The following SLC15A2 variants were observed in gnomAD, a reference collection of about 807,000 sequenced individuals.
SLC15A2 encodes the protein kidney H(+)/peptide cotransporter.
Under a neutral mutation model 95.5 loss-of-function variants are expected in SLC15A2, and 77 were observed. The observed-to-expected ratio is 0.81, with a 90% CI of 0.67 to 0.97. SLC15A2 has a LOEUF of 0.97. Among genes scored for constraint, SLC15A2 ranks in the 50% least tolerant of loss-of-function variants. SLC15A2 has a pLI of 0.00. For synonymous variants in SLC15A2, 306 were observed against 306.9 expected (o/e 1.00, Z 0.03); for missense variants, 893 against 874.4 (o/e 1.02, Z -0.27).
At chr3:121,903,102 C>G (rs1709550862) in intron 3 of SLC15A2, among the ~76,000 whole-genome samples, 1 of 152,154 alleles carries the variant, frequency 6.6e-6, no homozygotes, top group Non-Finnish European at 1.5e-5. Flanking sequence ...CTTTGATGGC[C>G]AGTGATGATG....
At chr3:121,934,907 A>T (rs1295011595) in intron 19 of SLC15A2, among the ~76,000 whole-genome samples, 2 of 152,058 alleles carry the variant, frequency 1.3e-5, no homozygotes, top group African/African-American at 4.8e-5. Flanking sequence ...GGTTTGTCAT[A>T]GATAGCTCTT....
intron 1 of SLC15A2, among the ~76,000 whole-genome samples, chr3:121,895,665 T>C (rs1368225061): frequency 6.6e-6 from 1 of 152,224 alleles, no homozygotes; most frequent in Non-Finnish European, 1.5e-5. Context: ...TGGTCTATTG[T>C]AATAGATAGG....
At chr3:121,937,412 T>C (rs1710369210) in intron 19 of SLC15A2, among the ~76,000 whole-genome samples, 1 of 124,044 alleles carries the variant, frequency 8.1e-6, no homozygotes, top group African/African-American at 3.1e-5. Context: ...CAATCAGACG[T>C]AGATTTGGTC....
chr3:121,935,248 G>A (rs1336710212), intron 19 of SLC15A2, among the ~76,000 whole-genome samples: 4 of 152,068 alleles, frequency 2.6e-5, no homozygotes, highest in South Asian at 2.1e-4. Flanking sequence ...GTCTCTGCCC[G>A]GCTTTGGTAT....
chr3:121,896,700 G>A (rs1172587137), intron 2 of SLC15A2, among the ~76,000 whole-genome samples: 1 of 151,998 alleles, frequency 6.6e-6, no homozygotes, highest in Non-Finnish European at 1.5e-5. Flanking sequence ...AAAGGCCTGA[G>A]ACAAACCAGA....
intron 7 of SLC15A2, among the ~76,000 whole-genome samples, chr3:121,919,768 A>G (rs1231592212): frequency 6.6e-6 from 1 of 152,218 alleles, no homozygotes; most frequent in African/African-American, 2.4e-5. Flanking sequence ...TTATAGTTGG[A>G]AGGTGACATG....
At position 121,940,924 on chromosome 3, in the gene SLC15A2, G is replaced by T. The variant is rs573497842; in HGVS notation, c.2107G>T (p.Asp703Tyr). ...GYYYVPVKTEDMRGPADKHIP... is the reference protein window; with the variant it reads ...GYYYVPVKTEYMRGPADKHIP... ...CTACTATGTTCCTGTAAAGACAGAGGATATGCGGGGTCCAGCAGATAAGCA... is the reference window on the plus strand; with the variant it reads ...CTACTATGTTCCTGTAAAGACAGAGTATATGCGGGGTCCAGCAGATAAGCA... Residue 703 changes from aspartate to tyrosine, a missense_variant, in exon 22 of 22, where the codon GAT (aspartate) becomes TAT (tyrosine). By Grantham distance (160) the Asp-to-Tyr change is radical (BLOSUM62 -3). Coordinates refer to ENST00000489711, the MANE Select transcript of SLC15A2 (RefSeq NM_021082.4). 22 of 1,614,134 alleles carry T rather than the reference G, an allele frequency of 1.4e-5. No individual in the cohort carries two copies. The South Asian group carries it at 2.0e-4, about 14-fold the overall frequency.
intron 3 of SLC15A2, among the ~76,000 whole-genome samples, chr3:121,898,767 A>T (rs1363780126): frequency 6.6e-6 from 1 of 152,168 alleles, no homozygotes; most frequent in African/African-American, 2.4e-5. Flanking sequence ...TTGACTATGG[A>T]ATATTTTTTC....
At chr3:121,933,928 T>A (rs1433899128) in intron 19 of SLC15A2, among the ~76,000 whole-genome samples, 1 of 151,060 alleles carries the variant, frequency 6.6e-6, no homozygotes, top group African/African-American at 2.4e-5. Flanking sequence ...CCATCTTGAA[T>A]TGATTTTTGT....
chr3:121,900,249 G>C (rs1180085799), intron 3 of SLC15A2, among the ~76,000 whole-genome samples: 1 of 152,056 alleles, frequency 6.6e-6, no homozygotes, highest in Non-Finnish European at 1.5e-5. Flanking sequence ...CCTTCAATCA[G>C]TTATCAAATT....
chr3:121,923,375 G>C, intron 11 of SLC15A2, 109 bp downstream of exon 11: 1 of 1,122,480 alleles, frequency 8.9e-7, no homozygotes, highest in South Asian at 1.4e-5. Flanking sequence ...GATCTTCAGA[G>C]AAGTGCTTTT....
chr3:121,903,738 G>A lies in SLC15A2; in HGVS notation c.335+6209G>A, dbSNP rs1275135036. On this transcript the variant is annotated intron_variant, in intron 3 of 21. Transcript: ENST00000489711. The stretch of plus-strand genomic sequence containing the variant: ...TGTGTTTTGGTACCAGTACCATGCT[G>A]TTTTGGTTACTGTCGCCTTGTAGTA... 3.9e-5 allele frequency among the ~76,000 whole-genome samples: 6 copies of A among 152,206 alleles called. No homozygotes were observed. In the South Asian group the frequency reaches 8.3e-4, roughly 21 times the overall value.
rs762891735 is a variant in SLC15A2, at chr3:121,922,763, T to C, written c.781-12T>C. 18 of 1,607,864 alleles carry C rather than the reference T, an allele frequency of 1.1e-5. No individual in the cohort carries two copies. The South Asian group carries it at 1.4e-4, about 13-fold the overall frequency. On this transcript the variant is annotated splice_polypyrimidine_tract_variant and intron_variant, in intron 8 of 21. Transcript: ENST00000489711. ...TCTTTGTCTCTCCCATGATGTCTAC[T>C]CTCTGCCCTAGTTTGCTATTTCCAA...
intron 3 of SLC15A2, among the ~76,000 whole-genome samples, chr3:121,902,953 G>A (rs1429547371): frequency 1.3e-5 from 2 of 152,194 alleles, no homozygotes; most frequent in African/African-American, 4.8e-5. Context: ...GGTTGAACAA[G>A]TTTACAGTCC....
rs1198214471 is a variant in SLC15A2, at chr3:121,940,997, C to G, written c.2180C>G (p.Thr727Arg). ...ATGATCAAACTAGAGACCAAGAAGACAAAACTCTGATGACTCCCTAGATTC... is the reference window on the plus strand; with the variant it reads ...ATGATCAAACTAGAGACCAAGAAGAGAAAACTCTGATGACTCCCTAGATTC... ...GNMIKLETKK[T>R]KL Residue 727 changes from threonine (T) to arginine (R), a missense_variant, in exon 22 of 22, where the codon ACA becomes AGA. Coordinates refer to ENST00000489711, the MANE Select transcript of SLC15A2 (RefSeq NM_021082.4). 4.3e-6 allele frequency: 7 copies of G among 1,613,022 alleles called. No individual in the cohort carries two copies. Among genetic ancestry groups the G allele is most frequent in the Non-Finnish European group, 5.9e-6 (7 of 1,179,556 alleles).
At chr3:121,896,383 A>G (rs1709412601) in intron 1 of SLC15A2, 23 bp from the exon 2 acceptor site, 1 of 1,577,992 alleles carries the variant, frequency 6.3e-7, no homozygotes, top group Non-Finnish European at 8.7e-7. Context: ...TCATGCTTGA[A>G]TCATTGCCTT....
intron 3 of SLC15A2, among the ~76,000 whole-genome samples, chr3:121,910,474 C>T (rs1051219109): frequency 5.3e-5 from 8 of 151,994 alleles, no homozygotes; most frequent in African/African-American, 1.7e-4. Context: ...GGATTACAAG[C>T]GTGAGCCACC....
intron 3 of SLC15A2, among the ~76,000 whole-genome samples, chr3:121,898,289 T>C: frequency 6.6e-6 from 1 of 152,230 alleles, no homozygotes; most frequent in East Asian, 1.9e-4. Context: ...TTCAGCTCTT[T>C]TACCATCTAT....
intron 7 of SLC15A2, among the ~76,000 whole-genome samples, chr3:121,918,739 G>A (rs1245954039): frequency 6.6e-6 from 1 of 152,200 alleles, no homozygotes; most frequent in Non-Finnish European, 1.5e-5. Flanking sequence ...AGTGATAAAT[G>A]TTCCTGAGTG....
Sources: allele counts gnomAD v4.1 joint callset (sites outside exome capture counted in the v4.1 genomes callset), GRCh38; gene constraint gnomAD v4.1.1; transcripts MANE v1.5; gene names NCBI Gene and HGNC (gene_info 2026-07-23, HGNC 2026-07-21).